FAM227B: variants seen among roughly 807,000 people sequenced by gnomAD.
FAM227B encodes the protein protein FAM227B.
FAM227B carries 88 observed loss-of-function variants against 73.8 expected under a neutral mutation model. The ratio of observed to expected loss-of-function variants is 1.19; its 90% CI spans 1.00 to 1.42. The LOEUF (loss-of-function observed/expected upper bound fraction) is 1.42, where lower values mean the gene tolerates loss of function less well. Ranked by LOEUF, FAM227B falls within the 40% of genes most tolerant of loss-of-function variation. FAM227B has a pLI of 0.00. For synonymous variants in FAM227B, 210 were observed against 190.5 expected (o/e 1.10, Z -0.84); for missense variants, 632 against 590.9 (o/e 1.07, Z -0.72).
At chr15:49,330,256 A>AAGAT (rs1189490356) in intron 15 of FAM227B, 1 of 152,248 alleles carries the variant, frequency 6.6e-6, no homozygotes. Flanking sequence ...AGTGAAGAAT[A>AAGAT]AGATTGACTA....
intron 9 of FAM227B, among the ~76,000 whole-genome samples, chr15:49,565,715 AT>A (rs1175000864): frequency 6.6e-6 from 1 of 152,204 alleles, no homozygotes; most frequent in Non-Finnish European, 1.5e-5. Flanking sequence ...GCAAAAGCAT[AT>A]TGCAAATGTG....
intron 10 of FAM227B, among the ~76,000 whole-genome samples, chr15:49,519,936 C>A (rs1248337845): frequency 6.6e-6 from 1 of 152,176 alleles, no homozygotes; most frequent in Non-Finnish European, 1.5e-5. Context: ...CCCTTTTAAA[C>A]ATAAATTCCA....
intron 11 of FAM227B, among the ~76,000 whole-genome samples, chr15:49,454,449 A>C (rs918599635): frequency 7.2e-5 from 11 of 152,194 alleles, no homozygotes; most frequent in African/African-American, 2.7e-4. Flanking sequence ...TTTATAGAAA[A>C]TATTTACCTA....
intron 13 of FAM227B, among the ~76,000 whole-genome samples, chr15:49,348,994 G>A (rs896668870): frequency 1.2e-4 from 19 of 152,078 alleles, no homozygotes; most frequent in African/African-American, 4.6e-4. Context: ...ATAATCTAAA[G>A]CCCAAATTGT....
chr15:49,499,387 C>T (rs1050244628), intron 11 of FAM227B, among the ~76,000 whole-genome samples: 5 of 151,832 alleles, frequency 3.3e-5, no homozygotes, highest in African/African-American at 1.2e-4. Flanking sequence ...GAAAACATTG[C>T]TGAGAAAAAT....
intron 13 of FAM227B, chr15:49,365,563 G>A (rs1692903392): frequency 1.1e-6 from 1 of 887,746 alleles, no homozygotes; most frequent in Non-Finnish European, 1.9e-6. Flanking sequence ...AAAAGGTCCA[G>A]CTGCAAGTTT....
rs143099076 is a variant in FAM227B, at chr15:49,397,129, A to G, written c.1013-25730T>C. ...ATTTAGAAGAATGTATAATTAGAATAACGAATACAGAGAAGTGCTTAAAGG... is the reference window on the plus strand; with the variant it reads ...ATTTAGAAGAATGTATAATTAGAATGACGAATACAGAGAAGTGCTTAAAGG... On this transcript the variant is annotated intron_variant, in intron 11 of 15. Coordinates refer to ENST00000299338, the MANE Select transcript of FAM227B (RefSeq NM_152647.3). Among the ~76,000 whole-genome samples the G allele has an allele frequency of 2.1e-3, 313 of 152,314 alleles. 9 individuals carry two copies. In the East Asian group the frequency reaches 0.055, roughly 27 times the overall value.
chr15:49,616,073 T>C (rs973380720), intron 1 of FAM227B, among the ~76,000 whole-genome samples: 2 of 152,230 alleles, frequency 1.3e-5, no homozygotes, highest in Non-Finnish European at 2.9e-5. Flanking sequence ...TCCCTGAACC[T>C]GAACCTGAAA....
chr15:49,484,170 C>T, intron 11 of FAM227B: 2 of 592,556 alleles, frequency 3.4e-6, no homozygotes, highest in African/African-American at 1.9e-5. Context: ...TAATAAACCA[C>T]ATTAGGCCTG....
chr15:49,610,412 AT>A (rs1598545434), intron 3 of FAM227B, among the ~76,000 whole-genome samples: 2 of 121,860 alleles, frequency 1.6e-5, no homozygotes, highest in East Asian at 2.7e-4. Flanking sequence ...TTCCCAAAAC[AT>A]TGAAAGTAAA....
At chr15:49,495,469 C>T (rs1339533649) in intron 11 of FAM227B, among the ~76,000 whole-genome samples, 2 of 152,120 alleles carry the variant, frequency 1.3e-5, no homozygotes, top group African/African-American at 2.4e-5. Context: ...ATACAACTAA[C>T]AACAATATGA....
intron 10 of FAM227B, among the ~76,000 whole-genome samples, chr15:49,515,269 C>A (rs943905841): frequency 6.6e-6 from 1 of 152,106 alleles, no homozygotes; most frequent in Non-Finnish European, 1.5e-5. Context: ...ATAAGTTTGT[C>A]AATGACATTC....
intron 11 of FAM227B, among the ~76,000 whole-genome samples, chr15:49,443,627 A>G (rs2051890043): frequency 6.6e-6 from 1 of 151,786 alleles, no homozygotes; most frequent in Non-Finnish European, 1.5e-5. Flanking sequence ...CTAATTCAGC[A>G]AAGAAGTCAC....
chr15:49,435,626 T>G (rs2151810191), intron 11 of FAM227B, among the ~76,000 whole-genome samples: 1 of 151,690 alleles, frequency 6.6e-6, no homozygotes, highest in Non-Finnish European at 1.5e-5. Flanking sequence ...CTGGCCAAAT[T>G]TGGTCTTCAA....
At chr15:49,603,826 C>T (rs1274977946) in intron 3 of FAM227B, among the ~76,000 whole-genome samples, 1 of 152,080 alleles carries the variant, frequency 6.6e-6, no homozygotes, top group Admixed American at 6.6e-5. Context: ...AAAGTATATT[C>T]CTTCTATATC....
chr15:49,602,948 T>C (rs1390221635), intron 3 of FAM227B, among the ~76,000 whole-genome samples: 1 of 152,164 alleles, frequency 6.6e-6, no homozygotes, highest in Non-Finnish European at 1.5e-5. Flanking sequence ...TGAAAATGAG[T>C]TCACTGCAGG....
chr15:49,614,832 A>C, intron 2 of FAM227B: 1 of 330,162 alleles, frequency 3.0e-6, no homozygotes, highest in Non-Finnish European at 5.7e-6. Context: ...GTTTTCCCAC[A>C]CATGGTTACA....
intron 11 of FAM227B, among the ~76,000 whole-genome samples, chr15:49,393,207 GAGAGGGCTCAAATGTGAA>G (rs1432121659): frequency 6.6e-6 from 1 of 152,134 alleles, no homozygotes; most frequent in Admixed American, 6.5e-5. Context: ...AAAATGTGGG[GAGAGGGCTCAAATGTGAA>G]AGAGAGAAAA....
rs186984134 is a variant in FAM227B, at chr15:49,525,106, A to G, written c.874+16574T>C. On this transcript the variant is annotated intron_variant, in intron 10 of 15. Coordinates refer to ENST00000299338, the MANE Select transcript of FAM227B (RefSeq NM_152647.3). ...ATTATTGGTTTTGAAATGTGAGGAC[A>G]TGAGATTTGGGAGGGAATCGGGGTA... is the stretch of plus-strand genomic sequence containing the variant. Among the ~76,000 whole-genome samples, 13 of 152,252 alleles carry G rather than the reference A, an allele frequency of 8.5e-5. No homozygotes were observed. The East Asian group carries it at 2.5e-3, about 29-fold the overall frequency.
Sources: gnomAD v4.1 joint callset for allele counts (sites outside exome capture counted in the v4.1 genomes callset) on GRCh38, gnomAD v4.1.1 for gene constraint, MANE v1.5 for transcripts, NCBI Gene and HGNC (gene_info 2026-07-23, HGNC 2026-07-21) for gene names.